The following IL1RAPL1 variants were observed in gnomAD, a reference collection of about 807,000 sequenced individuals.
The protein encoded by IL1RAPL1 is interleukin 1 receptor accessory protein like 1.
IL1RAPL1 carries 3 observed loss-of-function variants against 48.4 expected under a neutral mutation model. The ratio of observed to expected loss-of-function variants is 0.06; its 90% CI spans 0.03 to 0.16. IL1RAPL1 has a LOEUF of 0.16. Ranked by LOEUF, IL1RAPL1 falls within the 10% of genes least tolerant of loss-of-function variation. IL1RAPL1 has a pLI of 1.00. For synonymous variants in IL1RAPL1, 185 were observed against 187.7 expected, an observed-to-expected ratio of 0.99 and a Z score of 0.12; for missense variants, 349 against 530.6, an observed-to-expected ratio of 0.66 and a Z score of 3.36.
chrX:29,026,180 T>G (rs181928925), intron 2 of IL1RAPL1, among the ~76,000 whole-genome samples: 1 of 112,051 alleles, frequency 8.9e-6, no homozygotes, highest in Admixed American at 9.5e-5. Context: ...GTGTTTTTAT[T>G]TGAAACCAAC....
chrX:29,757,108 C>A (rs1358892389), intron 6 of IL1RAPL1, among the ~76,000 whole-genome samples: 1 of 112,456 alleles, frequency 8.9e-6, no homozygotes, highest in Non-Finnish European at 1.9e-5. Context: ...TGAGCCAATA[C>A]ATGTCTGTTG....
At chrX:28,826,221 G>T (rs375433383) in intron 2 of IL1RAPL1, among the ~76,000 whole-genome samples, 1 of 111,452 alleles carries the variant, frequency 9.0e-6, no homozygotes, top group East Asian at 2.8e-4. Context: ...ATCTTGTAGG[G>T]TTGATATATA....
intron 6 of IL1RAPL1, among the ~76,000 whole-genome samples, chrX:29,856,111 G>A (rs1034807494): frequency 8.9e-6 from 1 of 111,963 alleles, no homozygotes; most frequent in Non-Finnish European, 1.9e-5. Flanking sequence ...CATGAATTGA[G>A]AGTTTTGGTA....
At chrX:29,336,304 GGTGTGTGTGTGTGTGTGTGTGTGT>G (rs375590826) in intron 3 of IL1RAPL1, among the ~76,000 whole-genome samples, 1 of 70,868 alleles carries the variant, frequency 1.4e-5, no homozygotes, top group Non-Finnish European at 2.6e-5. Flanking sequence ...ACCGTTTTGG[GGTGTGTGTGTGTGTGTGTGTGTGT>G]GTGTGTGTGT....
intron 2 of IL1RAPL1, among the ~76,000 whole-genome samples, chrX:29,257,496 G>A (rs1482359346): frequency 1.8e-5 from 2 of 111,540 alleles, no homozygotes; most frequent in Admixed American, 9.6e-5. Context: ...CCAGAAGGTA[G>A]GAAAGATCCT....
At chrX:29,339,110 A>G (rs868341316) in intron 3 of IL1RAPL1, among the ~76,000 whole-genome samples, 2 of 109,312 alleles carry the variant, frequency 1.8e-5, no homozygotes, top group African/African-American at 3.4e-5. Context: ...ACACACACAC[A>G]CACGCACACA....
chrX:29,858,471 C>G (rs977248486), intron 6 of IL1RAPL1, among the ~76,000 whole-genome samples: 2 of 111,028 alleles, frequency 1.8e-5, no homozygotes, highest in Admixed American at 9.6e-5. Flanking sequence ...CTGAAAAAGC[C>G]CAATGCCAGC....
At chrX:29,851,602 T>G (rs751019251) in intron 6 of IL1RAPL1, among the ~76,000 whole-genome samples, 24 of 111,903 alleles carry the variant, frequency 2.1e-4, no homozygotes, top group African/African-American at 6.8e-4. Context: ...CCAAAACATC[T>G]TGCCTTTTCT....
chrX:28,703,173 C>T (rs781031080), intron 1 of IL1RAPL1, among the ~76,000 whole-genome samples: 73 of 111,486 alleles, frequency 6.5e-4, no homozygotes, highest in African/African-American at 2.3e-3. Context: ...GTCTTACTTT[C>T]TACCTGTGTG....
At chrX:28,626,825 G>C (rs1313672658) in intron 1 of IL1RAPL1, among the ~76,000 whole-genome samples, 1 of 112,315 alleles carries the variant, frequency 8.9e-6, no homozygotes, top group Non-Finnish European at 1.9e-5. Flanking sequence ...ATTTTGCTCT[G>C]TGCCTTTTTC....
At chrX:28,819,973 T>G (rs1357000900) in intron 2 of IL1RAPL1, among the ~76,000 whole-genome samples, 17 of 36,279 alleles carry the variant, frequency 4.7e-4, no homozygotes, top group African/African-American at 4.4e-3. Context: ...TAGTGATATA[T>G]ATATATATAT....
intron 5 of IL1RAPL1, among the ~76,000 whole-genome samples, chrX:29,667,843 TATC>T (rs1384708505): frequency 9.0e-6 from 1 of 111,709 alleles, no homozygotes; most frequent in Non-Finnish European, 1.9e-5. Flanking sequence ...AAATGGAAAA[TATC>T]ATTTAAAATA....
chrX:29,868,587 C>T (rs1017408289), intron 6 of IL1RAPL1, among the ~76,000 whole-genome samples: 2 of 111,937 alleles, frequency 1.8e-5, no homozygotes, highest in Non-Finnish European at 3.8e-5. Flanking sequence ...ACGAACTCAA[C>T]GAATTAATGA....
chrX:29,798,585 G>C (rs1929802175), intron 6 of IL1RAPL1, among the ~76,000 whole-genome samples: 1 of 111,998 alleles, frequency 8.9e-6, no homozygotes, highest in African/African-American at 3.2e-5. Context: ...TTTCAGGAGA[G>C]CTTATCATGA....
At chrX:29,908,588 G>A (rs1932695100) in intron 6 of IL1RAPL1, among the ~76,000 whole-genome samples, 4 of 110,503 alleles carry the variant, frequency 3.6e-5, no homozygotes, top group Admixed American at 1.9e-4. Flanking sequence ...TTGATCTATA[G>A]GATAGTGAGT....
chrX:29,891,966 T>C (rs1451490194), intron 6 of IL1RAPL1, among the ~76,000 whole-genome samples: 1 of 112,149 alleles, frequency 8.9e-6, no homozygotes, highest in Non-Finnish European at 1.9e-5. Flanking sequence ...GGAGATAGTC[T>C]ATCAGGCAAA....
intron 6 of IL1RAPL1, among the ~76,000 whole-genome samples, chrX:29,824,025 G>T (rs1930678282): frequency 9.0e-6 from 1 of 111,217 alleles, no homozygotes; most frequent in African/African-American, 3.3e-5. Flanking sequence ...CCTGCCACTG[G>T]TTCTCAAACT....
At position 29,802,854 on chromosome X, in the gene IL1RAPL1, TATAC is replaced by T. The variant is rs750740651; in HGVS notation, c.779-114609_779-114606del. Among the ~76,000 whole-genome samples, 104 of 92,397 alleles carry T rather than the reference TATAC, an allele frequency of 1.1e-3. 9 individuals carry two copies. Among genetic ancestry groups the T allele is most frequent in the African/African-American group, 4.0e-3 (99 of 24,472 alleles). 80.2% of individuals were successfully genotyped at this position (92,397 alleles called of 115,157 possible). A position where few individuals can be genotyped will look rare whatever the true frequency, so the allele number is the denominator to read the frequency against. On this transcript the variant is annotated intron_variant, in intron 6 of 10. Coordinates refer to ENST00000378993, the MANE Select transcript of IL1RAPL1 (RefSeq NM_014271.4). ...ACATATATGTATACATATATGTGTA[TATAC>T]GTGTACATATGTATACATATATGTA...
intron 2 of IL1RAPL1, among the ~76,000 whole-genome samples, chrX:29,073,861 G>A (rs1927616916): frequency 9.0e-6 from 1 of 111,307 alleles, no homozygotes; most frequent in African/African-American, 3.3e-5. Flanking sequence ...GAAAACTGAG[G>A]TTCAGAAAAG....
Sources: gnomAD v4.1 joint callset for allele counts (sites outside exome capture counted in the v4.1 genomes callset) on GRCh38, gnomAD v4.1.1 for gene constraint, MANE v1.5 for transcripts, NCBI Gene and HGNC (gene_info 2026-07-23, HGNC 2026-07-21) for gene names.